TBC1D14: variants seen among roughly 807,000 people sequenced by gnomAD.
TBC1D14 encodes the protein TBC1 domain family, member 14.
In TBC1D14, 26 loss-of-function variants were observed where a neutral mutation model predicts 79.0. The ratio of observed to expected loss-of-function variants is 0.33; its 90% CI spans 0.24 to 0.46. The LOEUF (loss-of-function observed/expected upper bound fraction) is 0.46. Ranked by LOEUF, TBC1D14 falls within the 20% of genes least tolerant of loss-of-function variation. The probability of loss-of-function intolerance (pLI) is 1.00; values close to 1 mark genes in which losing one functional copy is unlikely to be tolerated. For synonymous variants in TBC1D14, 394 were observed against 349.9 expected, an observed-to-expected ratio of 1.13 and a Z score of -1.40; for missense variants, 769 against 887.6, an observed-to-expected ratio of 0.87 and a Z score of 1.70.
At chr4:6,961,840 G>C (rs2109032838) in intron 2 of TBC1D14, among the ~76,000 whole-genome samples, 1 of 152,274 alleles carries the variant, frequency 6.6e-6, no homozygotes, top group Middle Eastern at 3.4e-3. Context: ...GCCGAAAAAA[G>C]GCAGGAGGAC....
intron 11 of TBC1D14, among the ~76,000 whole-genome samples, chr4:7,013,388 C>A (rs1419741937): frequency 6.6e-6 from 1 of 152,258 alleles, no homozygotes. Flanking sequence ...GATGCACAGA[C>A]ACCAGAGTCG....
At chr4:6,982,429 CA>C (rs1717463282) in intron 3 of TBC1D14, among the ~76,000 whole-genome samples, 1 of 152,060 alleles carries the variant, frequency 6.6e-6, no homozygotes, top group African/African-American at 2.4e-5. Context: ...TTCACAGTGC[CA>C]GGGGTGGGGT....
At chr4:6,977,027 G>GCTCCCTCCTCTCTCT (rs1560299504) in intron 3 of TBC1D14, among the ~76,000 whole-genome samples, 2 of 68,262 alleles carry the variant, frequency 2.9e-5, no homozygotes, top group African/African-American at 9.1e-5. Context: ...AAATCAGGGC[G>GCTCCCTCCTCTCTCT]CTCCCTCCTC....
At chr4:6,969,712 GT>G (rs772077660) in intron 3 of TBC1D14, among the ~76,000 whole-genome samples, 2 of 146,834 alleles carry the variant, frequency 1.4e-5, no homozygotes, top group Non-Finnish European at 1.5e-5. Flanking sequence ...GCCCGACCCT[GT>G]TTTTTTTTTG....
At chr4:6,968,688 CGCCGAGAGGAGGCTGACT>C (rs1363280330) in intron 3 of TBC1D14, among the ~76,000 whole-genome samples, 6 of 144,358 alleles carry the variant, frequency 4.2e-5, no homozygotes, top group Admixed American at 1.4e-4. Flanking sequence ...GGAGGCTGAC[CGCCGAGAGGAGGCTGACT>C]GCCGGGAGGA....
intron 12 of TBC1D14, 97 bp downstream of exon 12, chr4:7,014,654 C>T (rs572607571): frequency 1.2e-4 from 97 of 806,984 alleles, no homozygotes; most frequent in Non-Finnish European, 1.9e-4. Flanking sequence ...CCGGCTGAGT[C>T]CTCATATCCT....
chr4:6,985,453 GTAAGAGA>G (rs1256066962), intron 3 of TBC1D14, among the ~76,000 whole-genome samples: 1 of 152,164 alleles, frequency 6.6e-6, no homozygotes, highest in African/African-American at 2.4e-5. Flanking sequence ...GAGGAGACCA[GTAAGAGA>G]TAAAACTTAT....
intron 2 of TBC1D14, among the ~76,000 whole-genome samples, chr4:6,928,561 G>A (rs1418293912): frequency 2.0e-5 from 3 of 152,150 alleles, no homozygotes; most frequent in African/African-American, 7.2e-5. Context: ...GGCCGGGTGC[G>A]GTGGCTCATG....
At position 6,914,696 on chromosome 4, in the gene TBC1D14, G is replaced by C. The variant is rs145971512; in HGVS notation, c.-18+4745G>C. Among the ~76,000 whole-genome samples, 102 of 152,296 alleles carry C rather than the reference G, an allele frequency of 6.7e-4. No homozygotes were observed. In the East Asian group the frequency reaches 0.018, roughly 26 times the overall value. On this transcript the variant is annotated intron_variant, in intron 1 of 13. Coordinates refer to ENST00000409757, the MANE Select transcript of TBC1D14 (RefSeq NM_020773.3). ...CGGAGGCAGCTAGCTGGTCATGTTCGTGAGCCTGGAGCGTCCAGTCCTTTC... is the reference window on the plus strand; with the variant it reads ...CGGAGGCAGCTAGCTGGTCATGTTCCTGAGCCTGGAGCGTCCAGTCCTTTC...
chr4:7,013,431 C>T (rs905215968), intron 11 of TBC1D14, among the ~76,000 whole-genome samples: 14 of 152,390 alleles, frequency 9.2e-5, no homozygotes, highest in African/African-American at 3.4e-4. Context: ...CTGGTGAGCA[C>T]TGGAGCAGAA....
chr4:7,013,199 T>C (rs980980472), intron 11 of TBC1D14, among the ~76,000 whole-genome samples: 1 of 152,260 alleles, frequency 6.6e-6, no homozygotes, highest in Non-Finnish European at 1.5e-5. Flanking sequence ...GTGACTCTGC[T>C]GGGGGATGTC....
In TBC1D14 at chr4:7,005,459, C is replaced by T. The variant is rs1289038246; in HGVS notation, c.1351+535C>T. Among the ~76,000 whole-genome samples the T allele has an allele frequency of 7.2e-5, 11 of 152,242 alleles. No individual in the cohort carries two copies. The East Asian group carries it at 9.7e-4, about 13-fold the overall frequency. On this transcript the variant is annotated intron_variant, in intron 8 of 13. Coordinates refer to ENST00000409757, the MANE Select transcript of TBC1D14 (RefSeq NM_020773.3). Reference sequence around the variant, plus strand: ...CCGAGGCAGGAGAATCACTTGAACCCGGGAGGTGGAGGTTGCAGGGAGCCA... The same window carrying T: ...CCGAGGCAGGAGAATCACTTGAACCTGGGAGGTGGAGGTTGCAGGGAGCCA...
chr4:7,012,516 TTGTAAA>T (rs1380852828), intron 11 of TBC1D14, among the ~76,000 whole-genome samples: 3 of 152,202 alleles, frequency 2.0e-5, no homozygotes, highest in African/African-American at 7.2e-5. Context: ...TTATTTACAA[TTGTAAA>T]TGTGAGAATA....
At chr4:6,975,505 C>T (rs1250063330) in intron 3 of TBC1D14, among the ~76,000 whole-genome samples, 6 of 152,162 alleles carry the variant, frequency 3.9e-5, no homozygotes, top group Non-Finnish European at 7.4e-5. Context: ...GCCACTGCGC[C>T]TGGCCAGGAT....
intron 6 of TBC1D14, among the ~76,000 whole-genome samples, chr4:6,999,974 C>T (rs190437484): frequency 4.6e-5 from 7 of 152,288 alleles, no homozygotes; most frequent in African/African-American, 7.2e-5. Flanking sequence ...CCCAAGGCTG[C>T]GCACAGAGGC....
intron 11 of TBC1D14, among the ~76,000 whole-genome samples, chr4:7,011,549 T>TTTTTG (rs745477966): frequency 1.6e-4 from 25 of 152,202 alleles, no homozygotes; most frequent in East Asian, 1.2e-3. Flanking sequence ...TTTTTTGTTT[T>TTTTTG]TTTTGTTTTG....
intron 1 of TBC1D14, among the ~76,000 whole-genome samples, chr4:6,915,228 A>G (rs978965044): frequency 2.0e-5 from 3 of 152,066 alleles, no homozygotes; most frequent in African/African-American, 7.2e-5. Flanking sequence ...AGCTGCTTTT[A>G]TGAGGAGGCT....
In TBC1D14 at chr4:7,030,936, A is replaced by C. The variant is rs556116123; in HGVS notation, c.*544A>C. ...AGGGGCTCTCTGAGGATGGCCACTGATGTGTGTTTGTGGATACCTGGGCAT... is the reference window on the plus strand; with the variant it reads ...AGGGGCTCTCTGAGGATGGCCACTGCTGTGTGTTTGTGGATACCTGGGCAT... On this transcript the variant is annotated 3_prime_UTR_variant, in exon 14 of 14. Coordinates refer to ENST00000409757, the MANE Select transcript of TBC1D14 (RefSeq NM_020773.3). The C allele has an allele frequency of 6.5e-6, 1 of 154,584 alleles. No individual in the cohort carries two copies. Among genetic ancestry groups the C allele is most frequent in the South Asian group, 2.0e-4 (1 of 4,998 alleles). The allele number at this position is 154,584 out of a possible 1,614,324, so 9.6% of individuals were successfully genotyped here.
At chr4:6,949,419 A>C (rs1713806825) in intron 2 of TBC1D14, among the ~76,000 whole-genome samples, 1 of 152,174 alleles carries the variant, frequency 6.6e-6, no homozygotes, top group African/African-American at 2.4e-5. Context: ...ACAGTGGCTC[A>C]CGCCTATAAT....
Sources: allele counts gnomAD v4.1 joint callset (sites outside exome capture counted in the v4.1 genomes callset), GRCh38; gene constraint gnomAD v4.1.1; transcripts MANE v1.5; gene names NCBI Gene and HGNC (gene_info 2026-07-23, HGNC 2026-07-21).